KCND2: variants seen among roughly 807,000 people sequenced by gnomAD.
The protein encoded by KCND2 is A-type voltage-gated potassium channel KCND2.
A neutral mutation model predicts 54.4 loss-of-function variants in KCND2; 16 were observed. The ratio of observed to expected loss-of-function variants is 0.29; its 90% confidence interval spans 0.20 to 0.45. KCND2 has a LOEUF of 0.45. Ranked by LOEUF, KCND2 falls within the 20% of genes least tolerant of loss-of-function variation. The probability of loss-of-function intolerance (pLI) is 1.00; values close to 1 mark genes in which losing one functional copy is unlikely to be tolerated. For synonymous variants in KCND2, 317 were observed against 310.7 expected (o/e 1.02, Z -0.21); for missense variants, 486 against 824.2 (o/e 0.59, Z 5.02).
intron 1 of KCND2, among the ~76,000 whole-genome samples, chr7:120,473,113 G>A (rs1584793316): frequency 6.6e-6 from 1 of 152,184 alleles, no homozygotes; most frequent in African/African-American, 2.4e-5. Flanking sequence ...GGTGGAAGGA[G>A]TGTCCAGCTC....
intron 1 of KCND2, among the ~76,000 whole-genome samples, chr7:120,617,563 C>T (rs1793043627): frequency 6.6e-6 from 1 of 152,148 alleles, no homozygotes; most frequent in Admixed American, 6.5e-5. Flanking sequence ...AGTTCAGTCA[C>T]TGTGGAAAGC....
chr7:120,459,529 T>G (rs1802251146), intron 1 of KCND2, among the ~76,000 whole-genome samples: 2 of 152,186 alleles, frequency 1.3e-5, no homozygotes, highest in Non-Finnish European at 2.9e-5. Flanking sequence ...ATTTATTTAT[T>G]TTGTGTGCCC....
chr7:120,314,405 C>T (rs1234039388), intron 1 of KCND2, among the ~76,000 whole-genome samples: 2 of 150,600 alleles, frequency 1.3e-5, no homozygotes, highest in African/African-American at 4.9e-5. Context: ...CTCTTTTTTT[C>T]CCTAACTCTA....
intron 1 of KCND2, among the ~76,000 whole-genome samples, chr7:120,597,570 T>C (rs376447985): frequency 3.3e-5 from 5 of 152,122 alleles, no homozygotes; most frequent in African/African-American, 7.2e-5. Flanking sequence ...GAATGGCCAA[T>C]TAAAGTGCAT....
chr7:120,648,889 G>C (rs1369469280), intron 1 of KCND2, among the ~76,000 whole-genome samples: 1 of 152,006 alleles, frequency 6.6e-6, no homozygotes, highest in Non-Finnish European at 1.5e-5. Flanking sequence ...ATTATAATTT[G>C]TCTTCTAATT....
At chr7:120,711,247 T>A (rs1792533542) in intron 1 of KCND2, among the ~76,000 whole-genome samples, 1 of 152,140 alleles carries the variant, frequency 6.6e-6, no homozygotes, top group Non-Finnish European at 1.5e-5. Flanking sequence ...TGATCAAAAA[T>A]TCAAAGATAC....
Position 120,538,109 on chromosome 7 carries a change from C to A in KCND2, c.1116-194794C>A, listed in dbSNP as rs1791934101. 3.3e-5 allele frequency among the ~76,000 whole-genome samples: 5 copies of A among 152,136 alleles called. No homozygotes were observed. The South Asian group carries it at 8.3e-4, about 25-fold the overall frequency. ...TTGGTTTAAAGTGAAAGACGTGTGT[C>A]TCTTCACCTTATTAGAACACTTGAG... On this transcript the variant is annotated intron_variant, in intron 1 of 5. Transcript: ENST00000331113.
chr7:120,735,126 G>A (rs1317925286), intron 2 of KCND2, among the ~76,000 whole-genome samples: 1 of 151,978 alleles, frequency 6.6e-6, no homozygotes, highest in Non-Finnish European at 1.5e-5. Flanking sequence ...AATTATTACA[G>A]AGAAGAGTTA....
At chr7:120,402,142 G>T (rs1301655315) in intron 1 of KCND2, among the ~76,000 whole-genome samples, 1 of 152,152 alleles carries the variant, frequency 6.6e-6, no homozygotes, top group Non-Finnish European at 1.5e-5. Flanking sequence ...GTTTTAACAA[G>T]ATTCTAATGC....
At chr7:120,711,329 A>G (rs909954263) in intron 1 of KCND2, among the ~76,000 whole-genome samples, 2 of 152,276 alleles carry the variant, frequency 1.3e-5, no homozygotes, top group East Asian at 3.9e-4. Flanking sequence ...TGTAATATTT[A>G]TTATTTATTC....
At chr7:120,284,344 G>A (rs560675518) in intron 1 of KCND2, among the ~76,000 whole-genome samples, 3 of 152,004 alleles carry the variant, frequency 2.0e-5, no homozygotes, top group South Asian at 2.1e-4. Context: ...GTTTCCTTTC[G>A]TCATGCTGTA....
In KCND2 at chr7:120,642,551, C is replaced by T. The variant is rs894955777; in HGVS notation, c.1116-90352C>T. Among the ~76,000 whole-genome samples the T allele has an allele frequency of 1.2e-4, 17 of 140,028 alleles. No individual in the cohort carries two copies. In the East Asian group the frequency reaches 3.2e-3, roughly 26 times the overall value. The allele number at this position is 140,028 out of a possible 152,430, so 91.9% of individuals were successfully genotyped here. ...CCTGGGTGACAGATTGATAATTCGT[C>T]TCAATAAAAATAAAAAATAAAAAAA... On this transcript the variant is annotated intron_variant, in intron 1 of 5. Coordinates refer to ENST00000331113, the MANE Select transcript of KCND2 (RefSeq NM_012281.3).
chr7:120,635,301 G>A (rs1039666921), intron 1 of KCND2, among the ~76,000 whole-genome samples: 2 of 152,192 alleles, frequency 1.3e-5, no homozygotes, highest in African/African-American at 2.4e-5. Flanking sequence ...GCATTCAGTT[G>A]TCTGGGATAG....
At chr7:120,516,839 T>C (rs1803204018) in intron 1 of KCND2, among the ~76,000 whole-genome samples, 1 of 152,164 alleles carries the variant, frequency 6.6e-6, no homozygotes, top group African/African-American at 2.4e-5. Flanking sequence ...GAACATGTTT[T>C]AATGCATAGA....
chr7:120,382,361 T>G (rs1378080744), intron 1 of KCND2, among the ~76,000 whole-genome samples: 1 of 151,924 alleles, frequency 6.6e-6, no homozygotes, highest in African/African-American at 2.4e-5. Flanking sequence ...TAAATTACGC[T>G]AAGCTGCTAG....
chr7:120,705,523 G>A (rs998947010), intron 1 of KCND2, among the ~76,000 whole-genome samples: 2 of 152,066 alleles, frequency 1.3e-5, no homozygotes, highest in East Asian at 1.9e-4. Flanking sequence ...GCAAAATGTC[G>A]ATAATAATGG....
chr7:120,519,174 A>C (rs1302580516), intron 1 of KCND2, among the ~76,000 whole-genome samples: 2 of 151,930 alleles, frequency 1.3e-5, no homozygotes, highest in East Asian at 1.9e-4. Flanking sequence ...CTAACAATAC[A>C]AAAAACAACA....
chr7:120,440,611 C>T (rs897015831), intron 1 of KCND2, among the ~76,000 whole-genome samples: 2 of 151,958 alleles, frequency 1.3e-5, no homozygotes, highest in African/African-American at 4.8e-5. Context: ...CTGTTAGTTT[C>T]ATAGTTTAGG....
At chr7:120,361,996 A>C (rs535882155) in intron 1 of KCND2, among the ~76,000 whole-genome samples, 14 of 152,076 alleles carry the variant, frequency 9.2e-5, no homozygotes, top group Non-Finnish European at 2.1e-4. Context: ...ATACAGAAAG[A>C]AAGCTAAAAA....
Sources: allele counts gnomAD v4.1 joint callset (sites outside exome capture counted in the v4.1 genomes callset), GRCh38; gene constraint gnomAD v4.1.1; transcripts MANE v1.5; gene names NCBI Gene and HGNC (gene_info 2026-07-23, HGNC 2026-07-21).